The following NEU3 variants were observed in gnomAD, a reference collection of about 807,000 sequenced individuals.
NEU3 encodes sialidase-3.
Under a neutral mutation model 11.4 loss-of-function variants are expected in NEU3, and 10 were observed. The observed-to-expected ratio is 0.88, with a 90% CI of 0.54 to 1.49. The LOEUF is 1.49. Among genes scored for constraint, NEU3 ranks in the 40% most tolerant of loss-of-function variants. The pLI, the probability that NEU3 is intolerant of heterozygous loss-of-function variation, is 0.00. For missense variants in NEU3, 529 were observed against 581.8 expected, an observed-to-expected ratio of 0.91 and a Z score of 0.93; for synonymous variants, 212 against 228.2, an observed-to-expected ratio of 0.93 and a Z score of 0.64.
At chr11:74,980,913 A>G in the NEU3 span, among the ~76,000 whole-genome samples, 4 of 152,248 alleles carry the variant, frequency 2.6e-5, no homozygotes, top group Non-Finnish European at 5.9e-5. Context: ...CTTTCAGACA[A>G]CAGTCACAGA....
At chr11:74,997,433 A>G (rs1225066095) in intron 2 of NEU3, among the ~76,000 whole-genome samples, 1 of 152,202 alleles carries the variant, frequency 6.6e-6, no homozygotes, top group Non-Finnish European at 1.5e-5. Context: ...TCTTAAGGGA[A>G]TGCTATGGCT....
Position 75,006,418 on chromosome 11 carries a change from C to T in NEU3, c.1312C>T (p.Arg438Trp), listed in dbSNP as rs535584862. ...EQIAFRLFTHREILSHLQGDC... is the reference protein window; with the variant it reads ...EQIAFRLFTHWEILSHLQGDC... ...GATTGCCTTCCGCCTGTTTACACAC[C>T]GGGAGATCCTGAGTCACCTGCAGGG... is the stretch of plus-strand genomic sequence containing the variant. Residue 438 changes from arginine to tryptophan, a missense_variant, in exon 3 of 3, where the codon CGG becomes TGG. Arg to Trp is a moderately radical substitution (Grantham distance 101, BLOSUM62 -3). Coordinates refer to ENST00000294064, the MANE Select transcript of NEU3 (RefSeq NM_006656.6). 2.0e-5 allele frequency: 32 copies of T among 1,613,878 alleles called. No individual in the cohort carries two copies. The highest frequency in any genetic ancestry group is 2.5e-5 in the Non-Finnish European group (30 of 1,179,878).
chr11:74,997,381 A>G (rs1255168708), intron 2 of NEU3, among the ~76,000 whole-genome samples: 3 of 152,214 alleles, frequency 2.0e-5, no homozygotes, highest in Non-Finnish European at 4.4e-5. Flanking sequence ...CAGCCTTTGT[A>G]GAACTGAAGA....
rs1948802944 is a variant in NEU3 at position 74,997,661 on chromosome 11, T to G, written c.306+2941T>G. Among the ~76,000 whole-genome samples, 3 of 136,746 alleles carry G rather than the reference T, an allele frequency of 2.2e-5. No homozygotes were observed. In the South Asian group the frequency reaches 6.8e-4, roughly 31 times the overall value. 89.7% of individuals were successfully genotyped at this position (136,746 alleles called of 152,430 possible). A position where few individuals can be genotyped will look rare whatever the true frequency, so the allele number is the denominator to read the frequency against. ...GAGTTCGAGACCAGCCTGACCAACA[T>G]GCTGAAATCCCGTCTCTACTAAAAA... On this transcript the variant is annotated intron_variant, in intron 2 of 2. Coordinates refer to ENST00000294064, the MANE Select transcript of NEU3 (RefSeq NM_006656.6).
chr11:74,981,573 G>A, the NEU3 span, among the ~76,000 whole-genome samples: 2 of 152,054 alleles, frequency 1.3e-5, no homozygotes, highest in Non-Finnish European at 2.9e-5. Context: ...ATGGGCAGCT[G>A]GTGCAAACAT....
At chr11:74,995,067 AT>A in intron 2 of NEU3, 1 of 551,002 alleles carries the variant, frequency 1.8e-6, no homozygotes, top group East Asian at 2.8e-5. Flanking sequence ...CTCCACAGTT[AT>A]TTAGATTCAG....
rs773904835 is a variant in NEU3 at position 75,005,454 on chromosome 11, G to T, written c.348G>T (p.Gly116=). Residue 116 remains glycine (G), a synonymous_variant, in exon 3 of 3, where the codon GGG becomes GGT. Transcript: ENST00000294064. ...LKPLMEATLP[G]HRTMNPCPVW... The stretch of plus-strand genomic sequence containing the variant: ...CACTGATGGAAGCCACACTACCGGG[G>T]CATCGGACCATGAACCCCTGTCCTG... The T allele has an allele frequency of 6.2e-7, 1 of 1,613,640 alleles. No homozygotes were observed. The highest frequency in any genetic ancestry group is 8.5e-7 in the Non-Finnish European group (1 of 1,179,684).
At chr11:75,005,185 T>G (rs1948884870) in intron 2 of NEU3, among the ~76,000 whole-genome samples, 1 of 152,184 alleles carries the variant, frequency 6.6e-6, no homozygotes, top group South Asian at 2.1e-4. Context: ...AAATGAGGAA[T>G]AGCATTCCAG....
upstream of NEU3, among the ~76,000 whole-genome samples, chr11:74,986,784 T>C (rs1014287552): frequency 5.9e-5 from 9 of 152,342 alleles, no homozygotes; most frequent in Middle Eastern, 3.4e-3. Flanking sequence ...TCTGTTCTTA[T>C]TTTCATCATT....
At chr11:75,013,668 A>G (rs1329082182), downstream of NEU3, among the ~76,000 whole-genome samples, 1 of 152,178 alleles carries the variant, frequency 6.6e-6, no homozygotes, top group Non-Finnish European at 1.5e-5. Flanking sequence ...GCCCACCACA[A>G]GGCCAGGTAT....
downstream of NEU3, among the ~76,000 whole-genome samples, chr11:75,011,126 G>A (rs1948952537): frequency 6.6e-6 from 1 of 152,190 alleles, no homozygotes; most frequent in African/African-American, 2.4e-5. Context: ...TACAATGCCT[G>A]CTTACGGAAT....
At chr11:74,990,846 G>T (rs1370808698) in intron 1 of NEU3, among the ~76,000 whole-genome samples, 1 of 152,104 alleles carries the variant, frequency 6.6e-6, no homozygotes, top group Non-Finnish European at 1.5e-5. Flanking sequence ...GCAATAAAGG[G>T]GGATTTAAAT....
chr11:74,985,360 T>C (rs898430819), upstream of NEU3, among the ~76,000 whole-genome samples: 1 of 152,234 alleles, frequency 6.6e-6, no homozygotes, highest in Non-Finnish European at 1.5e-5. Context: ...AAGTTACTAC[T>C]ACCTGGAATG....
chr11:74,993,721 C>G (rs1358460376), intron 1 of NEU3, among the ~76,000 whole-genome samples: 2 of 152,074 alleles, frequency 1.3e-5, no homozygotes, highest in Admixed American at 6.5e-5. Flanking sequence ...AATCCAAGGT[C>G]CAGAGGCCAC....
At chr11:75,002,132 G>A (rs769541489) in intron 2 of NEU3, among the ~76,000 whole-genome samples, 20 of 152,108 alleles carry the variant, frequency 1.3e-4, no homozygotes, top group Non-Finnish European at 2.5e-4. Context: ...ATAGCTCACT[G>A]CTGCCTCAAA....
At chr11:75,004,543 G>T in intron 2 of NEU3, 1 of 446,892 alleles carries the variant, frequency 2.2e-6, no homozygotes, top group Non-Finnish European at 3.9e-6. Context: ...TTCTACTATT[G>T]TTTTGAAAAT....
chr11:75,005,318 T>A, intron 2 of NEU3, 95 bp from the exon 3 acceptor site: 1 of 1,280,808 alleles, frequency 7.8e-7, no homozygotes, highest in Non-Finnish European at 1.1e-6. Flanking sequence ...TCAATATCAT[T>A]TATTTCTTAT....
intron 3 of NEU3, chr11:75,018,648 C>A (rs981669303): frequency 3.3e-5 from 5 of 152,156 alleles, no homozygotes; most frequent in Admixed American, 2.6e-4. Context: ...TTAATAAAAT[C>A]CCCTTTGTAT....
rs1948943969 is a variant in NEU3 at position 75,010,258 on chromosome 11, C to CT, written c.*3772dup. The CT allele has an allele frequency of 6.6e-6, 1 of 152,170 alleles. No individual in the cohort carries two copies. The highest frequency in any genetic ancestry group is 1.5e-5 in the Non-Finnish European group (1 of 68,032). The allele number at this position is 152,170 out of a possible 1,614,324, so 9.4% of individuals were successfully genotyped here. ...ACAGTGGCTTATCTAAAAATATAAG[C>CT]TTTTTTCTGTCATATTCTGAATTCC... On this transcript the variant is annotated 3_prime_UTR_variant, in exon 3 of 3. Coordinates refer to ENST00000294064, the MANE Select transcript of NEU3 (RefSeq NM_006656.6).
Sources: gnomAD v4.1 joint callset for allele counts (sites outside exome capture counted in the v4.1 genomes callset) on GRCh38, gnomAD v4.1.1 for gene constraint, MANE v1.5 for transcripts, NCBI Gene and HGNC (gene_info 2026-07-23, HGNC 2026-07-21) for gene names.